The following TSEN54 variants were observed in gnomAD, a reference collection of about 807,000 sequenced individuals.
TSEN54 encodes tRNA splicing endonuclease subunit 54.
A neutral mutation model predicts 61.9 loss-of-function variants in TSEN54; 55 were observed. The ratio of observed to expected loss-of-function variants is 0.89; its 90% CI spans 0.72 to 1.11. The LOEUF is 1.11. Ranked by LOEUF, TSEN54 falls within the 50% of genes most tolerant of loss-of-function variation. TSEN54 has a pLI of 0.00. For synonymous variants in TSEN54, 304 were observed against 288.7 expected, an observed-to-expected ratio of 1.05 and a Z score of -0.54; for missense variants, 760 against 687.7, an observed-to-expected ratio of 1.11 and a Z score of -1.18.
chr17:75,524,578 C>A lies in TSEN54; in HGVS notation c.*166C>A. On this transcript the variant is annotated 3_prime_UTR_variant, in exon 11 of 11. Coordinates refer to ENST00000333213, the MANE Select transcript of TSEN54 (RefSeq NM_207346.3). ...ATACTCACAGAGTGAAACTGTGACC[C>A]TCTCCCTTCCCTGCTGCCTTGCAGT... The A allele has an allele frequency of 1.2e-6, 1 of 868,842 alleles. No homozygotes were observed. The highest frequency in any genetic ancestry group is 1.9e-5 in the Admixed American group (1 of 51,332). The allele number at this position is 868,842 out of a possible 1,614,324, so 53.8% of individuals were successfully genotyped here.
chr17:75,521,224 C>A, intron 6 of TSEN54, 185 bp from the exon 7 acceptor site: 1 of 632,266 alleles, frequency 1.6e-6, no homozygotes, highest in Non-Finnish European at 2.9e-6. Context: ...TAGGCAGAGG[C>A]ACATGGCTGG....
At position 75,524,414 on chromosome 17, in the gene TSEN54, C is replaced by G. The variant is rs2147020030; in HGVS notation, c.*2C>G. 6.2e-7 allele frequency: 1 copy of G among 1,614,094 alleles called. No homozygotes were observed. Among genetic ancestry groups the G allele is most frequent in the Non-Finnish European group, 8.5e-7 (1 of 1,180,026 alleles). ...TTGCCCCAGGATGTGGGGCACTGAC[C>G]TCACAGCTCTGCAGAGGATGGAGCT... On this transcript the variant is annotated 3_prime_UTR_variant, in exon 11 of 11. Transcript: ENST00000333213.
intron 6 of TSEN54, among the ~76,000 whole-genome samples, chr17:75,520,144 C>T (rs1019427569): frequency 2.0e-5 from 3 of 152,216 alleles, no homozygotes; most frequent in African/African-American, 7.2e-5. Flanking sequence ...AGAGGTTATC[C>T]CTTAGAGCAG....
Position 75,516,836 on chromosome 17 carries a change from A to G in TSEN54, c.147A>G (p.Ala49=), listed in dbSNP as rs754802042. The change falls in exon 2 of 11, where the codon GCA becomes GCG. Residue 49 remains alanine, a synonymous_variant. Transcript: ENST00000333213. ...AGGACTTTCTGCCCGACGGCTCGGC[A>G]GCTCAGGCCGAGCGGCTGCGCCGGT... The part of the protein sequence containing the change: ...GPKDFLPDGS[A]AQAERLRRCR... 6.3e-7 allele frequency: 1 copy of G among 1,588,256 alleles called. No homozygotes were observed. Among genetic ancestry groups the G allele is most frequent in the Admixed American group, 1.7e-5 (1 of 59,268 alleles).
chr17:75,520,585 C>CAA (rs200508248), intron 6 of TSEN54, among the ~76,000 whole-genome samples: 1 of 131,742 alleles, frequency 7.6e-6, no homozygotes, highest in Non-Finnish European at 1.6e-5. Flanking sequence ...AACTCTATCT[C>CAA]AAAAAAAAAA....
intron 3 of TSEN54, 23 bp from the exon 4 acceptor site, chr17:75,517,138 C>T (rs1468898469): frequency 6.6e-7 from 1 of 1,525,762 alleles, no homozygotes; most frequent in African/African-American, 1.5e-5. Context: ...TCCCTTGTGA[C>T]ACTTGCTCTG....
At chr17:75,518,938 C>G (rs996055967) in intron 5 of TSEN54, 57 bp from the exon 6 acceptor site, 17 of 1,609,218 alleles carry the variant, frequency 1.1e-5, no homozygotes, top group Non-Finnish European at 1.4e-5. Flanking sequence ...CTGGAGAAAC[C>G]ATTTGGTGTT....
At chr17:75,521,652 G>C (rs949506867) in intron 7 of TSEN54, 53 bp from the exon 8 acceptor site, 2 of 1,596,392 alleles carry the variant, frequency 1.3e-6, no homozygotes, top group Admixed American at 3.3e-5. Context: ...CATGGGACGT[G>C]TGCACCTTAG....
chr17:75,521,750 C>T lies in TSEN54; in HGVS notation c.669C>T (p.Pro223=). 1 of 1,613,050 alleles carries T rather than the reference C, an allele frequency of 6.2e-7. No homozygotes were observed. The highest frequency in any genetic ancestry group is 2.2e-5 in the East Asian group (1 of 44,872). ...KAKALDNSLQ[P]KSLAASSPPP... is the part of the protein sequence containing the mutation. ...AGGCCCTGGACAACTCCCTGCAACC[C>T]AAGAGTCTGGCAGCCTCCAGCCCAC... is the stretch of plus-strand genomic sequence containing the variant. The change falls in exon 8 of 11, where the codon CCC becomes CCT. Residue 223 remains proline (P), a synonymous_variant. Transcript: ENST00000333213.
At chr17:75,523,164 G>A in intron 8 of TSEN54, 111 bp from the exon 9 acceptor site, 1 of 1,412,452 alleles carries the variant, frequency 7.1e-7, no homozygotes, top group Non-Finnish European at 1.0e-6. Flanking sequence ...GGGTGACAGA[G>A]TGAGACTCCG....
Position 75,516,807 on chromosome 17 carries a change from C to A in TSEN54, c.118C>A (p.Pro40Thr), listed in dbSNP as rs1041129965. The A allele has an allele frequency of 6.3e-7, 1 of 1,593,664 alleles. No homozygotes were observed. ...SQKLPQRSHGPKDFLPDGSAA... is the reference protein window; with the variant it reads ...SQKLPQRSHGTKDFLPDGSAA... ...GAAGCTGCCCCAGCGCTCGCATGGC[C>A]CCAAGGACTTTCTGCCCGACGGCTC... Residue 40 changes from proline (P) to threonine (T), a missense_variant, in exon 2 of 11, where the codon CCC becomes ACC. Transcript: ENST00000333213.
intron 5 of TSEN54, chr17:75,518,659 G>A: frequency 1.0e-6 from 1 of 985,410 alleles, no homozygotes; most frequent in Non-Finnish European, 1.2e-6. Flanking sequence ...TTGTTCACAT[G>A]GTGATCGGCA....
intron 5 of TSEN54, among the ~76,000 whole-genome samples, chr17:75,518,146 G>T (rs1396303655): frequency 3.3e-5 from 5 of 152,186 alleles, no homozygotes; most frequent in Non-Finnish European, 7.3e-5. Flanking sequence ...CCAGTCGAAA[G>T]AACTGTGTCA....
At position 75,524,247 on chromosome 17, in the gene TSEN54, C is replaced by A; in HGVS notation, c.1431-15C>A. The A allele has an allele frequency of 6.2e-7, 1 of 1,614,134 alleles. No homozygotes were observed. The highest frequency in any genetic ancestry group is 1.1e-5 in the South Asian group (1 of 91,082). Reference sequence around the variant, plus strand: ...GGCTATGGCTGGGTCTCACTCTAACCCTTTGTCCCTGCAGATTTGATGAGC... The same window carrying A: ...GGCTATGGCTGGGTCTCACTCTAACACTTTGTCCCTGCAGATTTGATGAGC... On this transcript the variant is annotated splice_polypyrimidine_tract_variant and intron_variant, in intron 10 of 10. Coordinates refer to ENST00000333213, the MANE Select transcript of TSEN54 (RefSeq NM_207346.3).
intron 6 of TSEN54, among the ~76,000 whole-genome samples, chr17:75,519,844 A>C (rs868681539): frequency 6.6e-6 from 1 of 152,186 alleles, no homozygotes; most frequent in Non-Finnish European, 1.5e-5. Context: ...AAGTGCTGGG[A>C]TTACAGGCAT....
At chr17:75,520,213 A>T (rs972464826) in intron 6 of TSEN54, among the ~76,000 whole-genome samples, 1 of 152,332 alleles carries the variant, frequency 6.6e-6, no homozygotes, top group African/African-American at 2.4e-5. Flanking sequence ...GATGTCTAAT[A>T]CATGGGGCTA....
chr17:75,517,190 A>G lies in TSEN54; in HGVS notation c.315A>G (p.Ser105=). 2 of 1,607,218 alleles carry G rather than the reference A, an allele frequency of 1.2e-6. No individual in the cohort carries two copies. The highest frequency in any genetic ancestry group is 8.5e-7 in the Non-Finnish European group (1 of 1,177,142). Reference sequence around the variant, plus strand: ...AATTCTGGCAGACCATGGGCTTCTCAGAGCAGGGCCGGCAGCGCCTTCACC... The same window carrying G: ...AATTCTGGCAGACCATGGGCTTCTCGGAGCAGGGCCGGCAGCGCCTTCACC... The part of the protein sequence containing the change: ...AGKFWQTMGF[S]EQGRQRLHPE... Residue 105 remains serine, a synonymous_variant, in exon 4 of 11, where the codon TCA becomes TCG. Coordinates refer to ENST00000333213, the MANE Select transcript of TSEN54 (RefSeq NM_207346.3).
intron 6 of TSEN54, among the ~76,000 whole-genome samples, chr17:75,520,750 T>C (rs1002203148): frequency 1.4e-4 from 21 of 151,702 alleles, no homozygotes; most frequent in Admixed American, 1.4e-3. Flanking sequence ...GGTCAGGAGA[T>C]GGAGACCATC....
At chr17:75,523,427 G>A (rs1388066329) in intron 9 of TSEN54, 92 bp downstream of exon 9, 29 of 1,609,960 alleles carry the variant, frequency 1.8e-5, no homozygotes, top group Non-Finnish European at 2.3e-5. Flanking sequence ...GTAAACTAGA[G>A]GACTGTTCCA....
Sources: gnomAD v4.1 joint callset for allele counts (sites outside exome capture counted in the v4.1 genomes callset) on GRCh38, gnomAD v4.1.1 for gene constraint, MANE v1.5 for transcripts, NCBI Gene and HGNC (gene_info 2026-07-23, HGNC 2026-07-21) for gene names.